PRKN: variants seen among roughly 807,000 people sequenced by gnomAD.
PRKN encodes the protein E3 ubiquitin-protein ligase parkin.
Under a neutral mutation model 59.5 loss-of-function variants are expected in PRKN, and 56 were observed. That is an observed-to-expected ratio of 0.94 (90% CI 0.76 to 1.18). The LOEUF (loss-of-function observed/expected upper bound fraction) is 1.18, where lower values mean the gene tolerates loss of function less well. Ranked by LOEUF, PRKN falls within the 50% of genes most tolerant of loss-of-function variation. PRKN has a pLI of 0.00. For missense variants in PRKN, 657 were observed against 596.4 expected, an observed-to-expected ratio of 1.10 and a Z score of -1.06; for synonymous variants, 250 against 222.1, an observed-to-expected ratio of 1.13 and a Z score of -1.12.
In PRKN at chr6:161,447,949, G is replaced by A. The variant is rs904305428; in HGVS notation, c.1084-61072C>T. On this transcript the variant is annotated intron_variant, in intron 9 of 11. Coordinates refer to ENST00000366898, the MANE Select transcript of PRKN (RefSeq NM_004562.3). The surrounding 1 kb of genome is among the most constrained non-coding windows in gnomAD (Gnocchi z 4.1). ...CTCTGGTGCGTGACCACTGCTTCCT[G>A]ATTTTTGTGTTGAGATCTTAGACCT... 4.6e-5 allele frequency among the ~76,000 whole-genome samples: 7 copies of A among 152,166 alleles called. No homozygotes were observed. The highest frequency in any genetic ancestry group is 1.7e-4 in the African/African-American group (7 of 41,438).
chr6:161,476,056 G>C (rs1032258277), intron 9 of PRKN, among the ~76,000 whole-genome samples: 1 of 151,694 alleles, frequency 6.6e-6, no homozygotes, highest in Non-Finnish European at 1.5e-5. Flanking sequence ...GCGTGGTGGC[G>C]GGCGCCTGTA....
At chr6:162,294,121 G>A (rs1298059416) in intron 2 of PRKN, among the ~76,000 whole-genome samples, 1 of 152,084 alleles carries the variant, frequency 6.6e-6, no homozygotes, top group Non-Finnish European at 1.5e-5. Context: ...GCATCATTGG[G>A]AGGCAGGAGA....
At chr6:162,113,124 G>C (rs1562521028) in intron 4 of PRKN, among the ~76,000 whole-genome samples, 1 of 152,162 alleles carries the variant, frequency 6.6e-6, no homozygotes. Context: ...TCCTATAAAA[G>C]GATGAGAAGA....
chr6:161,745,203 G>C (rs920123619), intron 7 of PRKN, among the ~76,000 whole-genome samples: 1 of 152,110 alleles, frequency 6.6e-6, no homozygotes. Flanking sequence ...TAATCAGGGA[G>C]GCATGAAATA....
chr6:162,576,340 C>T (rs1472948106), intron 1 of PRKN, among the ~76,000 whole-genome samples: 7 of 152,132 alleles, frequency 4.6e-5, no homozygotes. Context: ...TCTATTAATA[C>T]AAACACTAAA....
intron 9 of PRKN, among the ~76,000 whole-genome samples, chr6:161,450,406 C>T (rs1412113752): frequency 1.3e-5 from 2 of 152,252 alleles, no homozygotes; most frequent in East Asian, 3.8e-4. Context: ...CTGCCTCTGA[C>T]ATGCCACATG....
chr6:162,245,434 T>A (rs919027915), intron 3 of PRKN, among the ~76,000 whole-genome samples: 2 of 152,062 alleles, frequency 1.3e-5, no homozygotes, highest in African/African-American at 4.8e-5. Flanking sequence ...TACAGCTTGC[T>A]GCTTCTCACA....
chr6:161,484,319 AC>A lies in PRKN; in HGVS notation c.1083+64534del, dbSNP rs1286312496. On this transcript the variant is annotated intron_variant, in intron 9 of 11. Transcript: ENST00000366898. The surrounding 1 kb of genome is among the most constrained non-coding windows in gnomAD (Gnocchi z 4.9). ...ACCAAAGTCCTCTTGGAATGCTGAG[AC>A]GCACTGGAAACCTCTAGATGGGCCA... 7.9e-5 allele frequency among the ~76,000 whole-genome samples: 12 copies of A among 152,136 alleles called. No homozygotes were observed. The highest frequency in any genetic ancestry group is 1.8e-4 in the Non-Finnish European group (12 of 68,030).
At chr6:162,122,625 AGCTGGGCTGATGGACT>A (rs1780960154) in intron 4 of PRKN, among the ~76,000 whole-genome samples, 2 of 152,144 alleles carry the variant, frequency 1.3e-5, no homozygotes, top group African/African-American at 2.4e-5. Context: ...TCCCAGAAGC[AGCTGGGCTGATGGACT>A]GCTGACTGAC....
At chr6:162,158,677 C>T (rs977817972) in intron 4 of PRKN, among the ~76,000 whole-genome samples, 5 of 151,908 alleles carry the variant, frequency 3.3e-5, no homozygotes, top group Admixed American at 3.3e-4. Flanking sequence ...ATGATCCGCC[C>T]GCCTTGGCCT....
chr6:161,711,350 C>T (rs1257383055), intron 7 of PRKN, among the ~76,000 whole-genome samples: 1 of 152,096 alleles, frequency 6.6e-6, no homozygotes, highest in East Asian at 1.9e-4. Flanking sequence ...TGCATGTATA[C>T]ATTATACATG....
At chr6:161,939,549 T>G (rs570623777) in intron 6 of PRKN, among the ~76,000 whole-genome samples, 1 of 150,114 alleles carries the variant, frequency 6.7e-6, no homozygotes. Flanking sequence ...CTGGCCAATA[T>G]GGTGAAACCC....
chr6:161,469,374 T>C (rs1583109330), intron 9 of PRKN, among the ~76,000 whole-genome samples: 1 of 152,294 alleles, frequency 6.6e-6, no homozygotes, highest in East Asian at 1.9e-4. Context: ...TACAGAACTG[T>C]GAGTCAATTA....
intron 9 of PRKN, among the ~76,000 whole-genome samples, chr6:161,489,227 T>C (rs903928378): frequency 1.7e-4 from 20 of 118,440 alleles, no homozygotes; most frequent in Non-Finnish European, 1.0e-4. Context: ...ATTACATTCA[T>C]ACTGGAAAAA....
In PRKN at chr6:161,444,840, A is replaced by G. The variant is rs1789411564; in HGVS notation, c.1084-57963T>C. On this transcript the variant is annotated intron_variant, in intron 9 of 11. Coordinates refer to ENST00000366898, the MANE Select transcript of PRKN (RefSeq NM_004562.3). This position sits in a 1 kb window ranked among gnomAD's most constrained non-coding sequence, Gnocchi z 5.6. ...AAAAAGCCTTCCCGTGGTTTTGGCC[A>G]GAGGTATTTGTTATCAGTTTAATAG... 6.6e-6 allele frequency among the ~76,000 whole-genome samples: 1 copy of G among 152,212 alleles called. No homozygotes were observed. Among genetic ancestry groups the G allele is most frequent in the Non-Finnish European group, 1.5e-5 (1 of 68,040 alleles).
chr6:161,616,870 ATGTG>A (rs1216692197), intron 7 of PRKN, among the ~76,000 whole-genome samples: 1 of 91,720 alleles, frequency 1.1e-5, no homozygotes, highest in East Asian at 7.8e-4. Context: ...TAGTAAACAT[ATGTG>A]TGCATGTGTC....
chr6:161,377,856 A>G lies in PRKN; in HGVS notation c.1167+8938T>C, dbSNP rs1345896249. Among the ~76,000 whole-genome samples the G allele has an allele frequency of 6.6e-6, 1 of 152,014 alleles. No individual in the cohort carries two copies. The highest frequency in any genetic ancestry group is 1.5e-5 in the Non-Finnish European group (1 of 68,016). ...AAACCAAAAAGTGGTCCCTCATGAG[A>G]CCCCAAATCTGCTAGTGCATTCATC... On this transcript the variant is annotated intron_variant, in intron 10 of 11. Transcript: ENST00000366898. The surrounding 1 kb of genome is among the most constrained non-coding windows in gnomAD (Gnocchi z 4.2).
intron 1 of PRKN, among the ~76,000 whole-genome samples, chr6:162,651,161 C>T (rs1778418143): frequency 6.6e-6 from 1 of 152,150 alleles, no homozygotes; most frequent in African/African-American, 2.4e-5. Context: ...TGGAAAGAAA[C>T]ACTGTGTTTC....
intron 10 of PRKN, among the ~76,000 whole-genome samples, chr6:161,375,934 T>C (rs914897626): frequency 6.6e-6 from 1 of 152,144 alleles, no homozygotes; most frequent in African/African-American, 2.4e-5. Context: ...CAAACCTGCT[T>C]TACTTAAACC....
Sources: gnomAD v4.1 joint callset for allele counts (sites outside exome capture counted in the v4.1 genomes callset) on GRCh38, gnomAD v4.1.1 for gene constraint, Gnocchi (gnomAD v3.1) non-coding constraint, MANE v1.5 for transcripts, NCBI Gene and HGNC (gene_info 2026-07-23, HGNC 2026-07-21) for gene names.